FHIT: variants seen among roughly 807,000 people sequenced by gnomAD.
FHIT encodes bis(5'-adenosyl)-triphosphatase.
Under a neutral mutation model 17.9 loss-of-function variants are expected in FHIT, and 19 were observed. The ratio of observed to expected loss-of-function variants is 1.06; its 90% CI spans 0.74 to 1.56. The LOEUF is 1.56. Among genes scored for constraint, FHIT ranks in the 40% most tolerant of loss-of-function variants. The pLI, the probability that FHIT is intolerant of heterozygous loss-of-function variation, is 0.00. For missense variants in FHIT, 248 were observed against 189.2 expected, an observed-to-expected ratio of 1.31 and a Z score of -1.82; for synonymous variants, 81 against 69.7, an observed-to-expected ratio of 1.16 and a Z score of -0.81.
intron 4 of FHIT, among the ~76,000 whole-genome samples, chr3:60,648,784 TC>T (rs769195448): frequency 1.4e-4 from 22 of 152,272 alleles, no homozygotes; most frequent in Non-Finnish European, 3.1e-4. Context: ...ATCTGGCCCT[TC>T]CTAAAGGCGT....
At chr3:61,114,194 G>A (rs1409619857) in intron 2 of FHIT, among the ~76,000 whole-genome samples, 3 of 151,970 alleles carry the variant, frequency 2.0e-5, no homozygotes, top group Admixed American at 6.6e-5. Context: ...GAACATTTAG[G>A]ACCCAAGGGA....
intron 4 of FHIT, among the ~76,000 whole-genome samples, chr3:60,821,459 C>T (rs531956754): frequency 7.9e-5 from 12 of 151,376 alleles, no homozygotes; most frequent in Non-Finnish European, 1.3e-4. Context: ...TCAACAGAGC[C>T]TCCTCCTGCT....
chr3:60,182,688 T>G (rs967065071), intron 5 of FHIT, among the ~76,000 whole-genome samples: 1 of 151,526 alleles, frequency 6.6e-6, no homozygotes, highest in African/African-American at 2.4e-5. Flanking sequence ...GAGGCTGAGG[T>G]AGGAGGATCA....
At chr3:60,130,974 T>TATATATACAC (rs769000414) in intron 5 of FHIT, among the ~76,000 whole-genome samples, 1 of 140,802 alleles carries the variant, frequency 7.1e-6, no homozygotes, top group Non-Finnish European at 1.6e-5. Flanking sequence ...TAGAAAGGTA[T>TATATATACAC]ATATATACAC....
intron 2 of FHIT, among the ~76,000 whole-genome samples, chr3:61,042,989 G>T (rs552291788): frequency 2.0e-5 from 3 of 152,092 alleles, no homozygotes; most frequent in Non-Finnish European, 4.4e-5. Flanking sequence ...ACAGGGAGAG[G>T]TTCCAAGATG....
intron 7 of FHIT, among the ~76,000 whole-genome samples, chr3:59,954,352 T>C (rs1707288245): frequency 1.3e-5 from 2 of 151,614 alleles, no homozygotes; most frequent in South Asian, 2.1e-4. Context: ...TTGCAAATAA[T>C]TCAACTCAAC....
intron 1 of FHIT, among the ~76,000 whole-genome samples, chr3:61,209,315 G>A (rs2039371400): frequency 6.6e-6 from 1 of 152,242 alleles, no homozygotes; most frequent in Non-Finnish European, 1.5e-5. Flanking sequence ...TCTTCTTGAG[G>A]AGTATCTTTC....
chr3:59,880,994 T>C (rs541183217), intron 8 of FHIT, among the ~76,000 whole-genome samples: 11 of 152,298 alleles, frequency 7.2e-5, no homozygotes, highest in African/African-American at 2.6e-4. Flanking sequence ...ATTGTTCCTT[T>C]GACATCTCAA....
intron 5 of FHIT, among the ~76,000 whole-genome samples, chr3:60,172,104 A>G (rs1701445726): frequency 6.6e-6 from 1 of 152,202 alleles, no homozygotes; most frequent in Non-Finnish European, 1.5e-5. Flanking sequence ...CAAGCACATA[A>G]GTTTCTTAAT....
At chr3:60,577,023 G>A (rs782339448) in intron 4 of FHIT, among the ~76,000 whole-genome samples, 3 of 150,268 alleles carry the variant, frequency 2.0e-5, no homozygotes, top group South Asian at 2.1e-4. Flanking sequence ...TCAACTTGTC[G>A]ATCATCACCT....
chr3:61,107,432 C>G (rs1348717391), intron 2 of FHIT, among the ~76,000 whole-genome samples: 2 of 152,148 alleles, frequency 1.3e-5, no homozygotes, highest in African/African-American at 4.8e-5. Flanking sequence ...CTACAATAAA[C>G]ATGGGAGTGC....
intron 5 of FHIT, among the ~76,000 whole-genome samples, chr3:60,166,712 T>G (rs1242953064): frequency 6.6e-6 from 1 of 152,186 alleles, no homozygotes; most frequent in Non-Finnish European, 1.5e-5. Context: ...TAAAACTGTG[T>G]TGCTTTCATG....
At chr3:61,199,077 C>G (rs1015799064) in intron 2 of FHIT, among the ~76,000 whole-genome samples, 4 of 152,176 alleles carry the variant, frequency 2.6e-5, no homozygotes, top group African/African-American at 7.2e-5. Flanking sequence ...CTTCACAGAT[C>G]AGGAAACTGA....
chr3:59,922,428 A>G lies in FHIT; in HGVS notation c.280-14T>C, dbSNP rs368593308. The G allele has an allele frequency of 1.9e-6, 3 of 1,609,536 alleles. No individual in the cohort carries two copies. Among genetic ancestry groups the G allele is most frequent in the Non-Finnish European group, 2.5e-6 (3 of 1,176,860 alleles). ...GACGTGAACGTGCTGAAAATGTACA[A>G]GAAAGAAAAAAAATGTGATTATCTC... On this transcript the variant is annotated splice_polypyrimidine_tract_variant and intron_variant, in intron 7 of 9. Transcript: ENST00000492590.
intron 5 of FHIT, among the ~76,000 whole-genome samples, chr3:60,287,179 T>G (rs1426468231): frequency 6.6e-6 from 1 of 151,898 alleles, no homozygotes; most frequent in Non-Finnish European, 1.5e-5. Context: ...AAATTTCCAT[T>G]TTTTTTTCAG....
intron 8 of FHIT, among the ~76,000 whole-genome samples, chr3:59,859,198 C>T (rs1471484041): frequency 1.3e-5 from 2 of 152,034 alleles, no homozygotes; most frequent in East Asian, 3.9e-4. Context: ...CCAACTGGAC[C>T]AGGTGATCAA....
chr3:60,136,859 A>G (rs973668787), intron 5 of FHIT, among the ~76,000 whole-genome samples: 2 of 144,518 alleles, frequency 1.4e-5, no homozygotes, highest in Admixed American at 6.8e-5. Context: ...TGGATTAGTA[A>G]CAGTCTGATA....
At chr3:60,001,893 C>T (rs572575069) in intron 7 of FHIT, among the ~76,000 whole-genome samples, 33 of 152,172 alleles carry the variant, frequency 2.2e-4, no homozygotes, top group African/African-American at 7.5e-4. Context: ...CGAATTTAAA[C>T]GCAAATAAAA....
intron 5 of FHIT, among the ~76,000 whole-genome samples, chr3:60,180,679 T>C (rs893952314): frequency 2.0e-5 from 3 of 152,234 alleles, no homozygotes; most frequent in African/African-American, 7.2e-5. Flanking sequence ...TAAAAACGTA[T>C]GGAGGTCTTC....
Sources: allele counts gnomAD v4.1 joint callset (sites outside exome capture counted in the v4.1 genomes callset), GRCh38; gene constraint gnomAD v4.1.1; transcripts MANE v1.5; gene names NCBI Gene and HGNC (gene_info 2026-07-23, HGNC 2026-07-21).